DAB1: variants seen among roughly 807,000 people sequenced by gnomAD.
The protein encoded by DAB1 is disabled homolog 1.
DAB1 carries 15 observed loss-of-function variants against 64.6 expected under a neutral mutation model. That is an observed-to-expected ratio of 0.23 (90% CI 0.16 to 0.36). The LOEUF is 0.36. DAB1 is among the 10% of genes least tolerant of loss of function. DAB1 has a pLI of 1.00. For synonymous variants in DAB1, 235 were observed against 251.9 expected (o/e 0.93, Z 0.64); for missense variants, 596 against 706.7 (o/e 0.84, Z 1.78).
intron 5 of DAB1, among the ~76,000 whole-genome samples, chr1:58,052,357 A>G (rs1253516781): frequency 6.6e-6 from 1 of 152,066 alleles, no homozygotes; most frequent in Non-Finnish European, 1.5e-5. Flanking sequence ...ATGGTTGTAG[A>G]TGTGTGGCAT....
At chr1:58,486,597 A>G (rs867671960) in intron 3 of DAB1, among the ~76,000 whole-genome samples, 12 of 152,242 alleles carry the variant, frequency 7.9e-5, no homozygotes, top group South Asian at 2.1e-4. Flanking sequence ...TGGATACAGC[A>G]GTGTACAAAG....
intron 7 of DAB1, among the ~76,000 whole-genome samples, chr1:57,522,555 G>A (rs1257877935): frequency 2.6e-5 from 4 of 152,304 alleles, no homozygotes; most frequent in Non-Finnish European, 4.4e-5. Flanking sequence ...GGGCTGGGGA[G>A]GCCTCACAAT....
chr1:57,389,742 A>G (rs1682188821), intron 1 of DAB1, among the ~76,000 whole-genome samples: 1 of 152,174 alleles, frequency 6.6e-6, no homozygotes, highest in South Asian at 2.1e-4. Context: ...TTATAACTAA[A>G]TTGTTCCCCA....
chr1:57,484,612 C>T (rs538567104), intron 7 of DAB1, among the ~76,000 whole-genome samples: 10 of 152,278 alleles, frequency 6.6e-5, no homozygotes, highest in Admixed American at 5.2e-4. Flanking sequence ...GACTTGTCGA[C>T]TTCTGAATGG....
chr1:58,420,407 T>G (rs1644760808), intron 3 of DAB1, among the ~76,000 whole-genome samples: 1 of 152,222 alleles, frequency 6.6e-6, no homozygotes, highest in African/African-American at 2.4e-5. Flanking sequence ...TGATTCCCTT[T>G]GTTCTCCCTT....
intron 5 of DAB1, among the ~76,000 whole-genome samples, chr1:58,022,359 A>G (rs1049610332): frequency 1.3e-5 from 2 of 152,232 alleles, no homozygotes; most frequent in Admixed American, 6.5e-5. Context: ...GATTCAAGTG[A>G]GGCCTCAGGA....
At chr1:57,268,386 T>G (rs1015965315) in intron 2 of DAB1, among the ~76,000 whole-genome samples, 1 of 152,136 alleles carries the variant, frequency 6.6e-6, no homozygotes, top group African/African-American at 2.4e-5. Flanking sequence ...TAAAGTGGGC[T>G]TCCAATGTGG....
intron 4 of DAB1, among the ~76,000 whole-genome samples, chr1:58,336,625 T>C (rs187828714): frequency 7.9e-5 from 12 of 152,322 alleles, no homozygotes; most frequent in Admixed American, 7.8e-4. Context: ...AATTCTAGGC[T>C]CTTTTCATAT....
intron 7 of DAB1, among the ~76,000 whole-genome samples, chr1:57,601,822 T>TTG (rs113611186): frequency 6.8e-4 from 103 of 151,342 alleles, no homozygotes; most frequent in South Asian, 2.5e-3. Flanking sequence ...CACACTATTT[T>TTG]TGTGTGTGTG....
At chr1:57,129,043 T>C (rs2100775210) in intron 4 of DAB1, among the ~76,000 whole-genome samples, 1 of 152,248 alleles carries the variant, frequency 6.6e-6, no homozygotes, top group Non-Finnish European at 1.5e-5. Context: ...GTTGAGCGCT[T>C]AGAGGATTGA....
At chr1:58,482,249 T>A (rs1388153290) in intron 3 of DAB1, among the ~76,000 whole-genome samples, 1 of 152,026 alleles carries the variant, frequency 6.6e-6, no homozygotes, top group Non-Finnish European at 1.5e-5. Context: ...GGAAAATAAT[T>A]AAGGCCCAAA....
intron 6 of DAB1, among the ~76,000 whole-genome samples, chr1:57,778,366 G>A (rs1289519211): frequency 6.6e-6 from 1 of 151,586 alleles, no homozygotes; most frequent in Non-Finnish European, 1.5e-5. Context: ...TGCCATCCCT[G>A]CTTGATATAC....
At chr1:58,180,310 T>TTTTTTTGTTTTTTTTTTTTTTTTTTC (rs1656720428) in intron 4 of DAB1, among the ~76,000 whole-genome samples, 1 of 97,010 alleles carries the variant, frequency 1.0e-5, no homozygotes, top group African/African-American at 3.2e-5. Flanking sequence ...TTTTTTTTTT[T>TTTTTTTGTTTTTTTTTTTTTTTTTTC]GAGATAGGAT....
intron 1 of DAB1, among the ~76,000 whole-genome samples, chr1:57,324,584 A>C (rs1676003310): frequency 6.6e-6 from 1 of 152,180 alleles, no homozygotes; most frequent in South Asian, 2.1e-4. Context: ...TGCGCATTAG[A>C]GAGGAGAATG....
intron 3 of DAB1, among the ~76,000 whole-genome samples, chr1:58,408,286 T>C (rs182898627): frequency 6.6e-6 from 1 of 152,246 alleles, no homozygotes; most frequent in East Asian, 1.9e-4. Flanking sequence ...CTTCAGGTGA[T>C]GAAATCCTCA....
intron 4 of DAB1, among the ~76,000 whole-genome samples, chr1:58,307,352 G>A (rs533479895): frequency 4.5e-4 from 69 of 152,168 alleles, no homozygotes; most frequent in Non-Finnish European, 8.8e-4. Context: ...CAGAAGTTTA[G>A]AATCTAGTAG....
intron 4 of DAB1, among the ~76,000 whole-genome samples, chr1:58,176,912 G>T (rs1656513003): frequency 6.6e-6 from 1 of 151,848 alleles, no homozygotes; most frequent in South Asian, 2.1e-4. Flanking sequence ...CTGGGAGGCG[G>T]AGCTTGCAGT....
intron 7 of DAB1, among the ~76,000 whole-genome samples, chr1:57,472,807 G>A (rs1466596548): frequency 6.6e-6 from 1 of 152,070 alleles, no homozygotes; most frequent in Non-Finnish European, 1.5e-5. Flanking sequence ...TCTGCAGCTC[G>A]TCCTGCTACA....
intron 6 of DAB1, among the ~76,000 whole-genome samples, chr1:57,731,517 T>C (rs1647417191): frequency 6.6e-6 from 1 of 152,094 alleles, no homozygotes; most frequent in South Asian, 2.1e-4. Context: ...AATTAATAAT[T>C]AGGCCAGATG....
Sources: allele counts gnomAD v4.1 joint callset (sites outside exome capture counted in the v4.1 genomes callset), GRCh38; gene constraint gnomAD v4.1.1; transcripts MANE v1.5; gene names NCBI Gene and HGNC (gene_info 2026-07-23, HGNC 2026-07-21).